The following SCPEP1 variants were observed in gnomAD, a reference collection of about 807,000 sequenced individuals.
SCPEP1 encodes serine carboxypeptidase 1, also known as retinoid-inducible serine carboxypeptidase.
A neutral mutation model predicts 63.8 loss-of-function variants in SCPEP1; 51 were observed. That is an observed-to-expected ratio of 0.80 (90% confidence interval 0.64 to 1.01). The LOEUF is 1.01. Among genes scored for constraint, SCPEP1 ranks in the 50% least tolerant of loss-of-function variants. SCPEP1 has a pLI of 0.00. For synonymous variants in SCPEP1, 204 were observed against 207.8 expected (o/e 0.98, Z 0.16); for missense variants, 499 against 554.9 (o/e 0.90, Z 1.01).
intron 9 of SCPEP1, 118 bp downstream of exon 9, chr17:56,997,173 T>C (rs1230509071): frequency 3.3e-6 from 2 of 603,518 alleles, no homozygotes; most frequent in Non-Finnish European, 5.6e-6. Flanking sequence ...TAAAATTAAC[T>C]CACTGTAAGT....
chr17:56,981,182 C>T lies in SCPEP1; in HGVS notation c.177C>T (p.Thr59=). 3 of 1,614,170 alleles carry T rather than the reference C, an allele frequency of 1.9e-6. No homozygotes were observed. Among genetic ancestry groups the T allele is most frequent in the Non-Finnish European group, 2.5e-6 (3 of 1,180,028 alleles). Residue 59 remains threonine, a synonymous_variant, in exon 2 of 13, where the codon ACC becomes ACT. Transcript: ENST00000262288. ...TGTTCTGGTGGCTCTATTATGCCAC[C>T]AACTCCTGCAAGAACTTCTCAGAAC... The part of the protein sequence containing the change: ...AYMFWWLYYA[T]NSCKNFSELP...
intron 8 of SCPEP1, among the ~76,000 whole-genome samples, chr17:56,996,072 T>C (rs1162626118): frequency 1.3e-5 from 2 of 152,108 alleles, no homozygotes; most frequent in Non-Finnish European, 2.9e-5. Context: ...CCCTTGGTTT[T>C]TTCCCTGCAG....
chr17:56,985,561 C>T (rs1316718748), intron 3 of SCPEP1, 94 bp downstream of exon 3: 41 of 916,520 alleles, frequency 4.5e-5, no homozygotes, highest in Middle Eastern at 2.7e-4. Context: ...AGCAATCCCT[C>T]GCTGTCCTTT....
rs1304045656 is a variant in SCPEP1, at chr17:56,981,185, C to G, written c.180C>G (p.Asn60Lys). 2 of 1,614,062 alleles carry G rather than the reference C, an allele frequency of 1.2e-6. No individual in the cohort carries two copies. Among genetic ancestry groups the G allele is most frequent in the African/African-American group, 2.7e-5 (2 of 74,916 alleles). Residue 60 changes from asparagine (N) to lysine (K), a missense_variant, in exon 2 of 13, where the codon AAC becomes AAG. Coordinates refer to ENST00000262288, the MANE Select transcript of SCPEP1 (RefSeq NM_021626.3). ...TCTGGTGGCTCTATTATGCCACCAACTCCTGCAAGAACTTCTCAGAACTGC... is the reference window on the plus strand; with the variant it reads ...TCTGGTGGCTCTATTATGCCACCAAGTCCTGCAAGAACTTCTCAGAACTGC... ...YMFWWLYYAT[N>K]SCKNFSELPL...
rs146158873 is a variant in SCPEP1 at position 56,980,171 on chromosome 17, C to G, written c.77-911C>G. Among the ~76,000 whole-genome samples the G allele has an allele frequency of 2.0e-3, 304 of 152,162 alleles. 2 individuals are homozygous for G. The highest frequency in any genetic ancestry group is 7.1e-3 in the African/African-American group (296 of 41,504). On this transcript the variant is annotated intron_variant, in intron 1 of 12. Transcript: ENST00000262288. ...CCTCTGTCACCTAGGCTGGAGTGCA[C>G]TGGTGTGATCACAGCTCACTGCAGC...
At chr17:56,998,290 A>G (rs1911631381) in intron 9 of SCPEP1, 95 bp from the exon 10 acceptor site, 3 of 798,676 alleles carry the variant, frequency 3.8e-6, no homozygotes, top group Non-Finnish European at 6.1e-6. Flanking sequence ...CAGCCTGGAG[A>G]CAGAGAGAGA....
intron 6 of SCPEP1, among the ~76,000 whole-genome samples, chr17:56,991,763 C>A (rs1402338221): frequency 6.6e-6 from 1 of 152,242 alleles, no homozygotes; most frequent in African/African-American, 2.4e-5. Context: ...CACTCTAACA[C>A]AGGGTTTCTC....
At chr17:56,990,970 C>T in intron 5 of SCPEP1, 129 bp from the exon 6 acceptor site, 2 of 759,802 alleles carry the variant, frequency 2.6e-6, no homozygotes, top group South Asian at 2.9e-5. Flanking sequence ...GGGGGTCTCA[C>T]TACATTGCCT....
At chr17:56,978,339 G>A in intron 1 of SCPEP1, 104 bp downstream of exon 1, 2 of 1,311,706 alleles carry the variant, frequency 1.5e-6, no homozygotes, top group South Asian at 3.3e-5. Context: ...TCTTTTCCCC[G>A]GTTCTTACCT....
At chr17:56,995,320 A>G (rs756637547) in intron 7 of SCPEP1, 187 bp from the exon 8 acceptor site, 2 of 621,590 alleles carry the variant, frequency 3.2e-6, no homozygotes, top group African/African-American at 1.8e-5. Flanking sequence ...GTGAATACCT[A>G]CTTAGGTTCA....
chr17:56,978,944 A>G (rs1910991418), intron 1 of SCPEP1, among the ~76,000 whole-genome samples: 1 of 152,222 alleles, frequency 6.6e-6, no homozygotes, highest in Non-Finnish European at 1.5e-5. Flanking sequence ...CAATTTTACC[A>G]GTAGTCACTG....
rs374643983 is a variant in SCPEP1 at position 56,997,075 on chromosome 17, A to G, written c.880+20A>G. The G allele has an allele frequency of 1.2e-4, 181 of 1,451,314 alleles. No individual in the cohort carries two copies. The highest frequency in any genetic ancestry group is 1.6e-4 in the Non-Finnish European group (171 of 1,065,798). 89.9% of individuals were successfully genotyped at this position (1,451,314 alleles called of 1,614,324 possible). On this transcript the variant is annotated intron_variant, in intron 9 of 12. Coordinates refer to ENST00000262288, the MANE Select transcript of SCPEP1 (RefSeq NM_021626.3). ...ACCTAGGTGAGTGAACCTTGAAGTT[A>G]TTAAAGTCCCTGCCTCAGCCTCCAT...
Position 56,981,063 on chromosome 17 carries a change from A to G in SCPEP1, c.77-19A>G. 1 of 1,614,020 alleles carries G rather than the reference A, an allele frequency of 6.2e-7. No individual in the cohort carries two copies. Among genetic ancestry groups the G allele is most frequent in the South Asian group, 1.1e-5 (1 of 91,068 alleles). On this transcript the variant is annotated intron_variant, in intron 1 of 12. Transcript: ENST00000262288. ...CATTAGGCACTCTTCTGGAGAGTGA[A>G]ATTGAACTTCTGTTTCAGGAGCTGT...
At chr17:56,987,630 G>C in intron 3 of SCPEP1, 65 bp from the exon 4 acceptor site, 1 of 1,536,392 alleles carries the variant, frequency 6.5e-7, no homozygotes, top group Non-Finnish European at 8.9e-7. Flanking sequence ...AGTAGAAAAT[G>C]ATCCAAAGAT....
At chr17:56,992,926 C>T (rs1167547717) in intron 6 of SCPEP1, among the ~76,000 whole-genome samples, 2 of 152,210 alleles carry the variant, frequency 1.3e-5, no homozygotes, top group Admixed American at 6.5e-5. Flanking sequence ...ACCCACTTTA[C>T]CTTATGAATC....
intron 6 of SCPEP1, among the ~76,000 whole-genome samples, chr17:56,994,107 C>T (rs186786895): frequency 5.9e-5 from 9 of 152,144 alleles, no homozygotes; most frequent in African/African-American, 1.7e-4. Context: ...GAGACCAAAG[C>T]GAGCAGATTG....
At chr17:56,995,219 C>A in intron 7 of SCPEP1, 2 of 561,894 alleles carry the variant, frequency 3.6e-6, no homozygotes, top group Admixed American at 6.7e-5. Flanking sequence ...GCACACATCA[C>A]TTTTTTCCAG....
At chr17:56,995,069 T>G in intron 7 of SCPEP1, 51 bp downstream of exon 7, 41 of 1,508,676 alleles carry the variant, frequency 2.7e-5, no homozygotes, top group Non-Finnish European at 3.5e-5. Context: ...AGCAGATCTC[T>G]TCTGGCTGTG....
chr17:56,988,040 G>T (rs749996679), intron 4 of SCPEP1, among the ~76,000 whole-genome samples, 176 bp from the exon 5 acceptor site: 4 of 152,210 alleles, frequency 2.6e-5, no homozygotes, highest in Non-Finnish European at 4.4e-5. Flanking sequence ...TTGAAAGAAT[G>T]ACCTTGGAGT....
Sources: gnomAD v4.1 joint callset for allele counts (sites outside exome capture counted in the v4.1 genomes callset) on GRCh38, gnomAD v4.1.1 for gene constraint, MANE v1.5 for transcripts, NCBI Gene and HGNC (gene_info 2026-07-23, HGNC 2026-07-21) for gene names.